Variants in NOX3 observed in about 807,000 individuals in gnomAD.
NOX3 encodes the protein NADPH oxidase catalytic subunit-like 3.
In NOX3, 74 loss-of-function variants were observed where a neutral mutation model predicts 76.7. The observed-to-expected ratio is 0.96, with a 90% CI of 0.80 to 1.17. The LOEUF is 1.17. Among genes scored for constraint, NOX3 ranks in the 50% most tolerant of loss-of-function variants. The probability of loss-of-function intolerance (pLI) is 0.00; values close to 1 mark genes in which losing one functional copy is unlikely to be tolerated. For synonymous variants in NOX3, 263 were observed against 261.1 expected (o/e 1.01, Z -0.07); for missense variants, 695 against 703.3 (o/e 0.99, Z 0.13).
chr6:155,453,612 A>G lies in NOX3; in HGVS notation c.256-124T>C, dbSNP rs561088904. 840 of 735,330 alleles carry G rather than the reference A, an allele frequency of 1.1e-3. 20 individuals are homozygous for G. In the South Asian group the frequency reaches 0.012, roughly 10 times the overall value. 45.6% of individuals were successfully genotyped at this position (735,330 alleles called of 1,614,324 possible). ...TGCTTAAAGTGGGGCTATGTGACAC[A>G]AAAGTTAATGGCCATTAGTCAAACA... On this transcript the variant is annotated intron_variant, in intron 3 of 13. Coordinates refer to ENST00000159060, the MANE Select transcript of NOX3 (RefSeq NM_015718.3).
At chr6:155,431,194 T>C (rs1338907259) in intron 7 of NOX3, among the ~76,000 whole-genome samples, 1 of 152,190 alleles carries the variant, frequency 6.6e-6, no homozygotes, top group Non-Finnish European at 1.5e-5. Context: ...GATGCCTTTA[T>C]GTAATTAGAA....
intron 10 of NOX3, among the ~76,000 whole-genome samples, chr6:155,411,650 T>A (rs1384410424): frequency 2.0e-5 from 3 of 152,214 alleles, no homozygotes; most frequent in African/African-American, 7.2e-5. Flanking sequence ...CTGTGCTGCT[T>A]CTGAACAAGA....
rs1039932261 is a variant in NOX3, at chr6:155,443,313, G to A, written c.446C>T (p.Pro149Leu). The change falls in exon 5 of 14, where the codon CCT becomes CTT. Residue 149 changes from proline to leucine, a missense_variant. Pro to Leu is a moderately conservative substitution (Grantham distance 98). Coordinates refer to ENST00000159060, the MANE Select transcript of NOX3 (RefSeq NM_015718.3). ...LAALSKLGNTPNESYLNPVRT... is the reference protein window; with the variant it reads ...LAALSKLGNTLNESYLNPVRT... ...GACAGGGTTGAGGTAGCTCTCGTTA[G>A]GGGTGTTGCCCAGCTTGGAAAGTGC... is the stretch of plus-strand genomic sequence containing the variant. 13 of 1,614,034 alleles carry A rather than the reference G, an allele frequency of 8.1e-6. No individual in the cohort carries two copies. The highest frequency in any genetic ancestry group is 8.0e-5 in the African/African-American group (6 of 74,910).
At chr6:155,449,760 G>A (rs1421812173) in intron 4 of NOX3, among the ~76,000 whole-genome samples, 5 of 152,174 alleles carry the variant, frequency 3.3e-5, no homozygotes, top group African/African-American at 4.8e-5. Context: ...TGCAAACTTC[G>A]ATGTGGTCGC....
At chr6:155,427,028 T>TGTGTGTGTGC (rs796489805) in intron 9 of NOX3, among the ~76,000 whole-genome samples, 5 of 121,788 alleles carry the variant, frequency 4.1e-5, no homozygotes, top group African/African-American at 1.6e-4. Context: ...TGTGTGTGTG[T>TGTGTGTGTGC]GCTGGGGGGG....
rs901551517 is a variant in NOX3 at position 155,442,572 on chromosome 6, G to A, written c.486+701C>T. Among the ~76,000 whole-genome samples, 3 of 152,210 alleles carry A rather than the reference G, an allele frequency of 2.0e-5. No homozygotes were observed. In the East Asian group the frequency reaches 5.8e-4, roughly 29 times the overall value. ...GCTGCACACATATGCCAATATGGTG[G>A]TATGTGGAAAAAAACTGAGATCAAC... is the stretch of plus-strand genomic sequence containing the variant. On this transcript the variant is annotated intron_variant, in intron 5 of 13. Transcript: ENST00000159060.
chr6:155,396,611 C>T (rs1779140434), intron 13 of NOX3, among the ~76,000 whole-genome samples, 198 bp downstream of exon 13: 1 of 152,156 alleles, frequency 6.6e-6, no homozygotes, highest in Admixed American at 6.5e-5. Context: ...CTTCAGCGTC[C>T]ATCAGTAAAA....
intron 6 of NOX3, among the ~76,000 whole-genome samples, 163 bp downstream of exon 6, chr6:155,439,793 T>G (rs962346681): frequency 1.3e-5 from 2 of 152,202 alleles, no homozygotes; most frequent in African/African-American, 4.8e-5. Flanking sequence ...TAGCTTATTT[T>G]CAGTGTTACT....
intron 12 of NOX3, among the ~76,000 whole-genome samples, chr6:155,400,750 T>C (rs1450258100): frequency 6.6e-6 from 1 of 151,942 alleles, no homozygotes; most frequent in Non-Finnish European, 1.5e-5. Flanking sequence ...CAGATGTCCC[T>C]AACCAGGCTC....
chr6:155,433,474 C>T (rs547704336), intron 7 of NOX3, among the ~76,000 whole-genome samples: 1 of 152,234 alleles, frequency 6.6e-6, no homozygotes, highest in African/African-American at 2.4e-5. Context: ...GGCCACCACC[C>T]CTCACTCTGT....
At chr6:155,414,002 T>C (rs1361169187) in intron 10 of NOX3, among the ~76,000 whole-genome samples, 1 of 152,216 alleles carries the variant, frequency 6.6e-6, no homozygotes, top group African/African-American at 2.4e-5. Flanking sequence ...TACTTTCTCG[T>C]GGCCTAGCTG....
At chr6:155,438,277 A>G (rs1776937126) in intron 6 of NOX3, among the ~76,000 whole-genome samples, 1 of 152,162 alleles carries the variant, frequency 6.6e-6, no homozygotes, top group South Asian at 2.1e-4. Flanking sequence ...TCTACACACC[A>G]TCCACCTTGC....
chr6:155,434,580 T>C (rs1776876974), intron 7 of NOX3, among the ~76,000 whole-genome samples: 1 of 152,216 alleles, frequency 6.6e-6, no homozygotes, highest in Non-Finnish European at 1.5e-5. Context: ...TTTGGATGTT[T>C]ACAGAAATGA....
At chr6:155,398,877 C>T (rs1779175012) in intron 12 of NOX3, among the ~76,000 whole-genome samples, 1 of 152,206 alleles carries the variant, frequency 6.6e-6, no homozygotes, top group South Asian at 2.1e-4. Context: ...CAAGACATTG[C>T]AGGTCTGGCC....
intron 9 of NOX3, among the ~76,000 whole-genome samples, chr6:155,425,691 C>T (rs935973822): frequency 6.6e-6 from 1 of 152,180 alleles, no homozygotes; most frequent in Admixed American, 6.5e-5. Context: ...TTATTGTCAT[C>T]TTCATTGTAC....
chr6:155,422,238 G>A (rs924943097), intron 10 of NOX3, among the ~76,000 whole-genome samples: 31 of 152,250 alleles, frequency 2.0e-4, no homozygotes, highest in African/African-American at 7.0e-4. Flanking sequence ...GATTCAGAGC[G>A]GGATGGCCAC....
chr6:155,454,752 T>C, intron 3 of NOX3, 59 bp downstream of exon 3: 1 of 982,412 alleles, frequency 1.0e-6, no homozygotes, highest in Non-Finnish European at 1.5e-6. Flanking sequence ...TTTTTTTCAA[T>C]GGCACTTATA....
chr6:155,438,881 T>C (rs144667100), intron 6 of NOX3, among the ~76,000 whole-genome samples: 13 of 152,338 alleles, frequency 8.5e-5, no homozygotes, highest in African/African-American at 2.4e-4. Flanking sequence ...GAGTTGCTGC[T>C]GGCAAGCCAA....
intron 8 of NOX3, among the ~76,000 whole-genome samples, chr6:155,430,533 T>G (rs1050065230): frequency 1.4e-4 from 22 of 151,978 alleles, no homozygotes; most frequent in African/African-American, 5.1e-4. Flanking sequence ...CTATGACCCA[T>G]GTAAAGTACA....
Sources: gnomAD v4.1 joint callset for allele counts (sites outside exome capture counted in the v4.1 genomes callset) on GRCh38, gnomAD v4.1.1 for gene constraint, MANE v1.5 for transcripts, NCBI Gene and HGNC (gene_info 2026-07-23, HGNC 2026-07-21) for gene names.